Variants in MORC1 observed in about 807,000 individuals in gnomAD.
MORC1 encodes the protein MORC family CW-type zinc finger 1.
A neutral mutation model predicts 134.9 loss-of-function variants in MORC1; 59 were observed. The ratio of observed to expected loss-of-function variants is 0.44; its 90% CI spans 0.35 to 0.54. The LOEUF (loss-of-function observed/expected upper bound fraction) is 0.54, where lower values mean the gene tolerates loss of function less well. MORC1 is among the 20% of genes least tolerant of loss of function. The pLI is 0.00. For synonymous variants in MORC1, 395 were observed against 391.7 expected, an observed-to-expected ratio of 1.01 and a Z score of -0.10; for missense variants, 947 against 1,134.5, an observed-to-expected ratio of 0.83 and a Z score of 2.37.
At chr3:109,102,333 A>G (rs1348129370) in intron 4 of MORC1, among the ~76,000 whole-genome samples, 1 of 152,130 alleles carries the variant, frequency 6.6e-6, no homozygotes, top group Non-Finnish European at 1.5e-5. Flanking sequence ...TGAGAGTACA[A>G]ATTGTATTAA....
Position 109,118,018 on chromosome 3 carries a change from A to T in MORC1, c.42T>A (p.Arg14=), listed in dbSNP as rs1315859816. 4 of 1,608,998 alleles carry T rather than the reference A, an allele frequency of 2.5e-6. No homozygotes were observed. The Admixed American group carries it at 6.7e-5, about 27-fold the overall frequency. Residue 14 remains arginine (R), a synonymous_variant, in exon 1 of 28, where the codon CGT becomes CGA. Transcript: ENST00000232603. The part of the protein sequence containing the change: ...RYPALQRAQL[R]LDFIHANSTT... Reference sequence around the variant, plus strand: ...ACGAGTTGGCGTGGATGAAATCCAGACGCAGCTGGGCCCGCTGAAGCGCAG... The same window carrying T: ...ACGAGTTGGCGTGGATGAAATCCAGTCGCAGCTGGGCCCGCTGAAGCGCAG...
intron 21 of MORC1, among the ~76,000 whole-genome samples, chr3:108,996,467 G>A (rs886541886): frequency 1.7e-4 from 26 of 152,224 alleles, no homozygotes; most frequent in African/African-American, 2.9e-4. Flanking sequence ...AAATATCTCC[G>A]AAGGTCCAAC....
At chr3:109,071,411 T>C (rs771735425) in intron 8 of MORC1, among the ~76,000 whole-genome samples, 1 of 152,136 alleles carries the variant, frequency 6.6e-6, no homozygotes, top group African/African-American at 2.4e-5. Flanking sequence ...ATTCAGTAAC[T>C]AGTTATAGGT....
rs114320483 is a variant in MORC1, at chr3:109,039,640, C to T, written c.1331-4172G>A. Among the ~76,000 whole-genome samples the T allele has an allele frequency of 5.1e-3, 777 of 152,290 alleles. 17 individuals are homozygous for T. The highest frequency in any genetic ancestry group is 0.018 in the African/African-American group (746 of 41,550). ...CATTTCAGCTCTCAGCCAGTAGTAGCTACCCATCCTACACTCCATGTTCCC... is the reference window on the plus strand; with the variant it reads ...CATTTCAGCTCTCAGCCAGTAGTAGTTACCCATCCTACACTCCATGTTCCC... On this transcript the variant is annotated intron_variant, in intron 14 of 27. Transcript: ENST00000232603.
Position 109,054,753 on chromosome 3 carries a change from G to C in MORC1, c.1305C>G (p.Val435=). The change falls in exon 14 of 28, where the codon GTC becomes GTG. Residue 435 remains valine, a synonymous_variant. Coordinates refer to ENST00000232603, the MANE Select transcript of MORC1 (RefSeq NM_014429.4). ...HLLKVMGQYL[V]QYCKDTGINN... is the part of the protein sequence containing the mutation. Reference sequence around the variant, plus strand: ...TGATGCCGGTGTCCTTACAGTACTGGACCAAGTACTGTCCCATGACTTTTA... The same window carrying C: ...TGATGCCGGTGTCCTTACAGTACTGCACCAAGTACTGTCCCATGACTTTTA... 4 of 1,587,294 alleles carry C rather than the reference G, an allele frequency of 2.5e-6. No individual in the cohort carries two copies. Among genetic ancestry groups the C allele is most frequent in the East Asian group, 2.2e-5 (1 of 44,554 alleles).
chr3:109,113,979 T>C (rs890196905), intron 2 of MORC1, among the ~76,000 whole-genome samples: 6 of 152,242 alleles, frequency 3.9e-5, no homozygotes, highest in African/African-American at 1.4e-4. Flanking sequence ...AAAGTGCTTA[T>C]GTATGTCTGA....
At position 109,057,336 on chromosome 3, in the gene MORC1, TACTC is replaced by T; in HGVS notation, c.1175+3_1175+6del. 6.2e-7 allele frequency: 1 copy of T among 1,603,822 alleles called. No homozygotes were observed. The highest frequency in any genetic ancestry group is 8.5e-7 in the Non-Finnish European group (1 of 1,175,904). ...GCTTATATCTCTGAAAGCAAAAACA[TACTC>T]ACAAGGACTTCAGTTTCAACTGTGA... On this transcript the variant is annotated splice_donor_5th_base_variant and intron_variant, in intron 13 of 27. Transcript: ENST00000232603.
intron 9 of MORC1, among the ~76,000 whole-genome samples, chr3:109,065,007 T>C (rs1044534765): frequency 2.6e-5 from 4 of 152,152 alleles, no homozygotes; most frequent in African/African-American, 4.8e-5. Flanking sequence ...TCCAATCCAC[T>C]GGCAAGTCTT....
At chr3:109,035,570 T>C (rs1268823165) in intron 14 of MORC1, 102 bp from the exon 15 acceptor site, 7 of 667,146 alleles carry the variant, frequency 1.0e-5, no homozygotes, top group Non-Finnish European at 1.4e-5. Flanking sequence ...CTCAACTGTG[T>C]AAGTATTAAT....
At chr3:109,057,269 C>A (rs1451223487) in intron 13 of MORC1, 74 bp downstream of exon 13, 5 of 1,460,866 alleles carry the variant, frequency 3.4e-6, no homozygotes, top group Non-Finnish European at 4.6e-6. Context: ...AGTCACTCAT[C>A]TCACTCCACA....
rs536141901 is a variant in MORC1, at chr3:108,988,663, G to A, written c.2188-1714C>T. On this transcript the variant is annotated intron_variant, in intron 21 of 27. Coordinates refer to ENST00000232603, the MANE Select transcript of MORC1 (RefSeq NM_014429.4). The stretch of plus-strand genomic sequence containing the variant: ...AACTATTTAATGTCTTTTCCTATAA[G>A]CACTTTGTTATAATCCATGATGATT... Among the ~76,000 whole-genome samples, 8 of 152,094 alleles carry A rather than the reference G, an allele frequency of 5.3e-5. No individual in the cohort carries two copies. The East Asian group carries it at 1.4e-3, about 26-fold the overall frequency.
At chr3:108,999,127 T>C (rs1948323486) in intron 21 of MORC1, among the ~76,000 whole-genome samples, 1 of 152,228 alleles carries the variant, frequency 6.6e-6, no homozygotes, top group Non-Finnish European at 1.5e-5. Context: ...CAGTTTTGTC[T>C]TTCTTTCTAG....
intron 24 of MORC1, among the ~76,000 whole-genome samples, chr3:108,972,692 G>A (rs1947422613): frequency 6.6e-6 from 1 of 152,120 alleles, no homozygotes; most frequent in Non-Finnish European, 1.5e-5. Context: ...TCAACACTAC[G>A]GCCGTTTTGT....
At chr3:109,022,146 G>A (rs1576642232) in intron 17 of MORC1, among the ~76,000 whole-genome samples, 1 of 152,276 alleles carries the variant, frequency 6.6e-6, no homozygotes, top group African/African-American at 2.4e-5. Flanking sequence ...AGGGCCTTTA[G>A]GTGTCACAAA....
At chr3:108,970,196 A>G (rs1428084255) in intron 25 of MORC1, among the ~76,000 whole-genome samples, 2 of 152,140 alleles carry the variant, frequency 1.3e-5, no homozygotes, top group Admixed American at 1.3e-4. Context: ...CCCAGGAATG[A>G]GCCTTCAGAC....
intron 9 of MORC1, among the ~76,000 whole-genome samples, chr3:109,065,113 C>G (rs34499794): frequency 6.6e-6 from 1 of 152,090 alleles, no homozygotes; most frequent in Admixed American, 6.5e-5. Flanking sequence ...TCCTAGAATA[C>G]AGTAATAGTA....
chr3:108,995,275 A>T (rs1055534621), intron 21 of MORC1, among the ~76,000 whole-genome samples: 1 of 152,232 alleles, frequency 6.6e-6, no homozygotes, highest in South Asian at 2.1e-4. Context: ...GATCCTCCTG[A>T]CAAAGGCTAG....
At chr3:108,990,637 A>G (rs1948024105) in intron 21 of MORC1, among the ~76,000 whole-genome samples, 1 of 152,084 alleles carries the variant, frequency 6.6e-6, no homozygotes, top group Non-Finnish European at 1.5e-5. Context: ...TTACTTATTC[A>G]TCTTGTCTAT....
chr3:109,077,494 TA>T (rs1377479367), intron 8 of MORC1, among the ~76,000 whole-genome samples: 25 of 152,224 alleles, frequency 1.6e-4, no homozygotes, highest in African/African-American at 5.8e-4. Context: ...TAATTAACTC[TA>T]CAGTTTGAAA....
Sources: gnomAD v4.1 joint callset for allele counts (sites outside exome capture counted in the v4.1 genomes callset) on GRCh38, gnomAD v4.1.1 for gene constraint, MANE v1.5 for transcripts, NCBI Gene and HGNC (gene_info 2026-07-23, HGNC 2026-07-21) for gene names.